The following CADM2 variants were observed in gnomAD, a reference collection of about 807,000 sequenced individuals.
CADM2 encodes the protein immunoglobulin superfamily member 4D.
CADM2 carries 12 observed loss-of-function variants against 49.8 expected under a neutral mutation model. The ratio of observed to expected loss-of-function variants is 0.24; its 90% CI spans 0.15 to 0.39. The LOEUF (loss-of-function observed/expected upper bound fraction) is 0.39. Among genes scored for constraint, CADM2 ranks in the 10% least tolerant of loss-of-function variants. The pLI is 1.00. For missense variants in CADM2, 378 were observed against 492.3 expected, an observed-to-expected ratio of 0.77 and a Z score of 2.20; for synonymous variants, 214 against 175.4, an observed-to-expected ratio of 1.22 and a Z score of -1.74.
chr3:85,368,044 TTACA>T (rs2032926601), intron 1 of CADM2, among the ~76,000 whole-genome samples: 1 of 152,088 alleles, frequency 6.6e-6, no homozygotes, highest in Admixed American at 6.6e-5. Context: ...CACTAATTTA[TTACA>T]CACAAAAATT....
chr3:85,437,188 C>A (rs1230057228), intron 1 of CADM2, among the ~76,000 whole-genome samples: 2 of 152,036 alleles, frequency 1.3e-5, no homozygotes, highest in Non-Finnish European at 2.9e-5. Context: ...TAGCTCATTT[C>A]TTCTTAATGC....
chr3:85,708,039 G>C (rs1214044408), intron 1 of CADM2, among the ~76,000 whole-genome samples: 1 of 152,120 alleles, frequency 6.6e-6, no homozygotes, highest in Non-Finnish European at 1.5e-5. Context: ...GAGTTTCTCT[G>C]TCTTTAGAAT....
intron 1 of CADM2, among the ~76,000 whole-genome samples, chr3:85,590,642 G>A (rs1197080728): frequency 1.3e-5 from 2 of 151,794 alleles, no homozygotes; most frequent in African/African-American, 2.4e-5. Context: ...AACATTTAGG[G>A]ACAAGAATTA....
Position 86,070,365 on chromosome 3 carries a change from T to C in CADM2, c.*3582T>C, listed in dbSNP as rs1043384133. 6.6e-6 allele frequency: 1 copy of C among 151,978 alleles called. No homozygotes were observed. The highest frequency in any genetic ancestry group is 1.5e-5 in the Non-Finnish European group (1 of 67,854). 9.4% of individuals were successfully genotyped at this position (151,978 alleles called of 1,614,324 possible). ...ACAGTGATGGCTCTTCCATGTAACA[T>C]AGCAGTTATCGTGTAATTTAGTGCC... is the stretch of plus-strand genomic sequence containing the variant. On this transcript the variant is annotated 3_prime_UTR_variant, in exon 10 of 10. Transcript: ENST00000383699.
intron 8 of CADM2, among the ~76,000 whole-genome samples, chr3:85,962,564 C>A (rs1724968869): frequency 6.6e-6 from 1 of 151,848 alleles, no homozygotes. Context: ...CTTTCAAATG[C>A]CACAATGGGT....
chr3:85,530,322 GTTTTTTTTTTTTTTTT>G (rs57504567), intron 1 of CADM2, among the ~76,000 whole-genome samples: 1 of 31,256 alleles, frequency 3.2e-5, no homozygotes, highest in South Asian at 1.1e-3. Context: ...TCTTTTCTCC[GTTTTTTTTTTTTTTTT>G]TTTTTTTTTT....
chr3:85,782,664 A>AAT (rs2070729479), intron 2 of CADM2, among the ~76,000 whole-genome samples: 1 of 151,750 alleles, frequency 6.6e-6, no homozygotes, highest in African/African-American at 2.4e-5. Flanking sequence ...TCAAAAAAAA[A>AAT]AAAGAAAAAA....
intron 1 of CADM2, among the ~76,000 whole-genome samples, chr3:85,578,541 C>T (rs62250500): frequency 0.51 from 78,114 of 152,114 alleles, 23,088 homozygotes; most frequent in East Asian, 0.85. Flanking sequence ...GGAGGGTAAA[C>T]TTTTATGCAG....
intron 1 of CADM2, among the ~76,000 whole-genome samples, chr3:85,597,649 A>C (rs575972972): frequency 1.1e-3 from 173 of 152,232 alleles, no homozygotes; most frequent in African/African-American, 3.9e-3. Flanking sequence ...AAAGGTAATC[A>C]AGCTGTTAGA....
At chr3:85,799,938 C>T (rs1349079334) in intron 2 of CADM2, 4 of 152,326 alleles carry the variant, frequency 2.6e-5, no homozygotes, top group Admixed American at 6.5e-5. Context: ...CTGCTATCTT[C>T]AGAGCTAGCA....
At chr3:86,020,528 C>A (rs1274263055) in intron 8 of CADM2, among the ~76,000 whole-genome samples, 2 of 151,142 alleles carry the variant, frequency 1.3e-5, no homozygotes, top group Admixed American at 6.6e-5. Context: ...GGCAGAGACA[C>A]AACAAAAAAA....
At chr3:85,871,320 C>T (rs976579026) in intron 3 of CADM2, among the ~76,000 whole-genome samples, 5 of 152,106 alleles carry the variant, frequency 3.3e-5, no homozygotes, top group African/African-American at 1.2e-4. Flanking sequence ...ACATCAAAAC[C>T]ACTAAATGTT....
Position 85,081,469 on chromosome 3 carries a change from A to G in CADM2, c.61+121801A>G, listed in dbSNP as rs566700144. Among the ~76,000 whole-genome samples the G allele has an allele frequency of 9.8e-5, 15 of 152,350 alleles. No homozygotes were observed. The South Asian group carries it at 2.9e-3, about 29-fold the overall frequency. ...GAAACACTCCTTGTTTATACCAAGTATAAGATTCATAAACTTTGGCCTGGT... is the reference window on the plus strand; with the variant it reads ...GAAACACTCCTTGTTTATACCAAGTGTAAGATTCATAAACTTTGGCCTGGT... On this transcript the variant is annotated intron_variant, in intron 1 of 9. Transcript: ENST00000383699.
intron 1 of CADM2, among the ~76,000 whole-genome samples, chr3:85,153,585 C>T (rs2040004329): frequency 6.6e-6 from 1 of 152,200 alleles, no homozygotes; most frequent in African/African-American, 2.4e-5. Context: ...GTGGAGCCCA[C>T]CACAGCTCAA....
intron 1 of CADM2, among the ~76,000 whole-genome samples, chr3:85,062,011 TTCTG>T (rs1369723230): frequency 6.6e-6 from 1 of 151,278 alleles, no homozygotes; most frequent in Non-Finnish European, 1.5e-5. Flanking sequence ...CATACACACA[TTCTG>T]TCTCTCTGTC....
chr3:85,222,201 T>A (rs1466795518), intron 1 of CADM2, among the ~76,000 whole-genome samples: 1 of 152,148 alleles, frequency 6.6e-6, no homozygotes, highest in Non-Finnish European at 1.5e-5. Context: ...CTGTCGTATA[T>A]CTGATTACAG....
chr3:85,229,946 T>A (rs1335114663), intron 1 of CADM2, among the ~76,000 whole-genome samples: 1 of 152,226 alleles, frequency 6.6e-6, no homozygotes, highest in African/African-American at 2.4e-5. Context: ...GCTATTAAAC[T>A]GATATTTGTA....
At chr3:85,895,987 T>C (rs1715162763) in intron 5 of CADM2, among the ~76,000 whole-genome samples, 1 of 152,158 alleles carries the variant, frequency 6.6e-6, no homozygotes, top group South Asian at 2.1e-4. Flanking sequence ...ATACAGTTCA[T>C]TCTTTAAAAT....
chr3:85,554,803 C>T (rs1226886787), intron 1 of CADM2, among the ~76,000 whole-genome samples: 18 of 151,844 alleles, frequency 1.2e-4, no homozygotes, highest in Admixed American at 1.2e-3. Flanking sequence ...AGGCAATCCT[C>T]CCGAGTAGCT....
Sources: gnomAD v4.1 joint callset for allele counts (sites outside exome capture counted in the v4.1 genomes callset) on GRCh38, gnomAD v4.1.1 for gene constraint, MANE v1.5 for transcripts, NCBI Gene and HGNC (gene_info 2026-07-23, HGNC 2026-07-21) for gene names.